Variants in PAPPA2 observed in about 807,000 individuals in gnomAD.
PAPPA2 encodes the protein pappalysin-2.
PAPPA2 carries 86 observed loss-of-function variants against 176.4 expected under a neutral mutation model. The observed-to-expected ratio is 0.49, with a 90% CI of 0.41 to 0.58. The LOEUF is 0.58. PAPPA2 is among the 20% of genes least tolerant of loss of function. The pLI is 0.00. For missense variants in PAPPA2, 2,073 were observed against 2,256.9 expected, an observed-to-expected ratio of 0.92 and a Z score of 1.65; for synonymous variants, 809 against 852.2, an observed-to-expected ratio of 0.95 and a Z score of 0.88.
At chr1:176,547,694 T>C (rs1016935145) in intron 1 of PAPPA2, among the ~76,000 whole-genome samples, 3 of 152,164 alleles carry the variant, frequency 2.0e-5, no homozygotes, top group Non-Finnish European at 2.9e-5. Flanking sequence ...GTCTTACGCA[T>C]TGGAAGATGT....
intron 14 of PAPPA2, among the ~76,000 whole-genome samples, chr1:176,761,832 C>A (rs1663712552): frequency 6.6e-6 from 1 of 152,212 alleles, no homozygotes; most frequent in Non-Finnish European, 1.5e-5. Context: ...CCTAACTTCC[C>A]ACTTCTCTGG....
At chr1:176,577,100 CTAA>C (rs971086424) in intron 2 of PAPPA2, among the ~76,000 whole-genome samples, 3 of 152,102 alleles carry the variant, frequency 2.0e-5, no homozygotes, top group Non-Finnish European at 2.9e-5. Flanking sequence ...TTCCTAATGA[CTAA>C]TAATAATAAC....
chr1:176,667,736 A>G (rs1213994042), intron 3 of PAPPA2, among the ~76,000 whole-genome samples: 2 of 152,102 alleles, frequency 1.3e-5, no homozygotes, highest in Non-Finnish European at 2.9e-5. Context: ...CTACATGCCA[A>G]TTTTTGATAC....
intron 14 of PAPPA2, among the ~76,000 whole-genome samples, chr1:176,741,654 A>G (rs1400853022): frequency 1.3e-5 from 2 of 152,184 alleles, no homozygotes; most frequent in Admixed American, 6.6e-5. Context: ...ATAGTAGTTT[A>G]TGTTAACTGA....
intron 1 of PAPPA2, among the ~76,000 whole-genome samples, chr1:176,531,470 A>C (rs1649803534): frequency 6.6e-6 from 1 of 152,218 alleles, no homozygotes; most frequent in South Asian, 2.1e-4. Flanking sequence ...ATTTACTGAG[A>C]ACCTATCCTA....
intron 1 of PAPPA2, among the ~76,000 whole-genome samples, chr1:176,478,771 G>A (rs548651995): frequency 3.9e-5 from 6 of 152,138 alleles, no homozygotes; most frequent in Non-Finnish European, 7.4e-5. Context: ...GAGTAATCTC[G>A]CTCAACCATT....
intron 18 of PAPPA2, 96 bp downstream of exon 18, chr1:176,790,073 C>A: frequency 2.1e-6 from 3 of 1,400,866 alleles, no homozygotes; most frequent in South Asian, 1.3e-5. Flanking sequence ...TAAAGAATTC[C>A]AACAGGCAGG....
chr1:176,581,403 C>CA (rs1219765081), intron 2 of PAPPA2, among the ~76,000 whole-genome samples: 1 of 152,094 alleles, frequency 6.6e-6, no homozygotes, highest in East Asian at 1.9e-4. Flanking sequence ...GTGATGCCTC[C>CA]AGCTTTGTTC....
chr1:176,787,365 G>C (rs1664985776), intron 17 of PAPPA2, among the ~76,000 whole-genome samples: 1 of 151,826 alleles, frequency 6.6e-6, no homozygotes, highest in Non-Finnish European at 1.5e-5. Flanking sequence ...CTCCCCAGTA[G>C]CTGGGACTAC....
intron 17 of PAPPA2, among the ~76,000 whole-genome samples, chr1:176,781,127 G>C (rs564883788): frequency 2.0e-5 from 3 of 152,200 alleles, no homozygotes; most frequent in Non-Finnish European, 4.4e-5. Flanking sequence ...AGATGATTAA[G>C]ACATCAGCAA....
At chr1:176,640,238 A>G (rs920709780) in intron 3 of PAPPA2, among the ~76,000 whole-genome samples, 25 of 151,446 alleles carry the variant, frequency 1.7e-4, no homozygotes, top group Non-Finnish European at 3.1e-4. Context: ...CATGTGCACA[A>G]TGTGCAGGTT....
At position 176,711,807 on chromosome 1, in the gene PAPPA2, C is replaced by T. The variant is rs780652037; in HGVS notation, c.3652-28C>T. The T allele has an allele frequency of 2.6e-5, 41 of 1,585,584 alleles. No individual in the cohort carries two copies. In the Admixed American group the frequency reaches 5.7e-4, roughly 22 times the overall value. On this transcript the variant is annotated intron_variant, in intron 11 of 22. Transcript: ENST00000367662. ...ACTTATATCTTCACACTCCACACTT[C>T]AAATTGTTGGTTGAAATTGTATTTC... is the stretch of plus-strand genomic sequence containing the variant.
chr1:176,806,425 G>A (rs1665911016), intron 21 of PAPPA2, among the ~76,000 whole-genome samples: 1 of 152,166 alleles, frequency 6.6e-6, no homozygotes, highest in Admixed American at 6.6e-5. Flanking sequence ...GTCTTAAATG[G>A]AAAAGACTGA....
intron 14 of PAPPA2, among the ~76,000 whole-genome samples, chr1:176,764,987 C>T (rs533602398): frequency 6.6e-6 from 1 of 152,294 alleles, no homozygotes; most frequent in South Asian, 2.1e-4. Context: ...GAGAGGATGT[C>T]TGTGGAAGCA....
intron 4 of PAPPA2, among the ~76,000 whole-genome samples, chr1:176,683,681 A>T (rs929947295): frequency 6.6e-6 from 1 of 151,988 alleles, no homozygotes; most frequent in Non-Finnish European, 1.5e-5. Flanking sequence ...TGGTTACCTG[A>T]GATGACCCTG....
chr1:176,732,549 A>C lies in PAPPA2; in HGVS notation c.3799-7077A>C, dbSNP rs147751914. 5.2e-4 allele frequency among the ~76,000 whole-genome samples: 79 copies of C among 152,322 alleles called. No individual in the cohort carries two copies. In the East Asian group the frequency reaches 0.013, roughly 25 times the overall value. ...AAAGTATTACAATCTTAGACTACTA[A>C]GTGCTAAAGGCAAAGATAATTATAT... On this transcript the variant is annotated intron_variant, in intron 12 of 22. Transcript: ENST00000367662.
rs1294180338 is a variant in PAPPA2 at position 176,842,955 on chromosome 1, A to G, written c.*501A>G. 1 of 151,392 alleles carries G rather than the reference A, an allele frequency of 6.6e-6. No individual in the cohort carries two copies. The highest frequency in any genetic ancestry group is 1.5e-5 in the Non-Finnish European group (1 of 67,914). 9.4% of individuals were successfully genotyped at this position (151,392 alleles called of 1,614,324 possible). ...CTTTTTGTGTAGTTTCCCTTAAATA[A>G]TGAAGTTAGTTATTAATTCTTTATA... is the stretch of plus-strand genomic sequence containing the variant. On this transcript the variant is annotated 3_prime_UTR_variant, in exon 23 of 23. Coordinates refer to ENST00000367662, the MANE Select transcript of PAPPA2 (RefSeq NM_020318.3).
intron 14 of PAPPA2, among the ~76,000 whole-genome samples, chr1:176,755,040 A>G (rs1391423256): frequency 6.6e-6 from 1 of 152,166 alleles, no homozygotes; most frequent in African/African-American, 2.4e-5. Flanking sequence ...TGATTTCTCC[A>G]TAAGCAAATG....
chr1:176,814,520 C>G (rs989119513), intron 21 of PAPPA2, among the ~76,000 whole-genome samples: 2 of 151,880 alleles, frequency 1.3e-5, no homozygotes, highest in Non-Finnish European at 2.9e-5. Context: ...AGCTGTATTC[C>G]TAGGTATTTT....
Sources: gnomAD v4.1 joint callset for allele counts (sites outside exome capture counted in the v4.1 genomes callset) on GRCh38, gnomAD v4.1.1 for gene constraint, MANE v1.5 for transcripts, NCBI Gene and HGNC (gene_info 2026-07-23, HGNC 2026-07-21) for gene names.